Variants in TPD52 observed in about 807,000 individuals in gnomAD.
The protein encoded by TPD52 is tumor protein D52, also known as prostate and colon associated protein.
A neutral mutation model predicts 31.3 loss-of-function variants in TPD52; 17 were observed. The ratio of observed to expected loss-of-function variants is 0.54; its 90% CI spans 0.37 to 0.82. The LOEUF (loss-of-function observed/expected upper bound fraction) is 0.82, where lower values mean the gene tolerates loss of function less well. Among genes scored for constraint, TPD52 ranks in the 40% least tolerant of loss-of-function variants. The pLI is 0.00. For missense variants in TPD52, 212 were observed against 240.1 expected, an observed-to-expected ratio of 0.88 and a Z score of 0.77; for synonymous variants, 83 against 89.6, an observed-to-expected ratio of 0.93 and a Z score of 0.42.
At chr8:80,085,052 C>G (rs1259177467) in intron 1 of TPD52, among the ~76,000 whole-genome samples, 1 of 152,196 alleles carries the variant, frequency 6.6e-6, no homozygotes, top group African/African-American at 2.4e-5. Context: ...ATACAGTTAG[C>G]AAACAAATCA....
chr8:80,126,391 T>C (rs1489898899), intron 1 of TPD52, among the ~76,000 whole-genome samples: 1 of 151,750 alleles, frequency 6.6e-6, no homozygotes, highest in Non-Finnish European at 1.5e-5. Context: ...ACATTCTCTG[T>C]TCATCCCAAA....
chr8:80,157,629 G>A (rs1002915895), intron 1 of TPD52, among the ~76,000 whole-genome samples: 27 of 152,192 alleles, frequency 1.8e-4, no homozygotes, highest in Admixed American at 3.3e-4. Context: ...GGCACTCCAC[G>A]ATGAAAACAA....
chr8:80,160,217 C>A (rs1270884008), intron 1 of TPD52, among the ~76,000 whole-genome samples: 1 of 151,770 alleles, frequency 6.6e-6, no homozygotes, highest in Non-Finnish European at 1.5e-5. Flanking sequence ...TTAAATTTTT[C>A]TTGGACTCCA....
intron 1 of TPD52, among the ~76,000 whole-genome samples, chr8:80,072,317 A>ATATGTGTGCGTG (rs1554582865): frequency 4.1e-5 from 5 of 121,352 alleles, no homozygotes; most frequent in African/African-American, 1.8e-4. Flanking sequence ...AAAAACATAT[A>ATATGTGTGCGTG]TGTGTGTGTG....
Position 80,122,035 on chromosome 8 carries a change from C to T in TPD52, c.19+49390G>A, listed in dbSNP as rs201494780. ...TACACCTTCAAAAGAAAAAAAAAAA[C>T]TCCTGTGCAATGATGTTTTATCATT... is the stretch of plus-strand genomic sequence containing the variant. On this transcript the variant is annotated intron_variant, in intron 1 of 7. Coordinates refer to ENST00000518937, the MANE Select transcript of TPD52 (RefSeq NM_001025253.3). Among the ~76,000 whole-genome samples the T allele has an allele frequency of 6.9e-5, 9 of 130,158 alleles. No homozygotes were observed. In the East Asian group the frequency reaches 2.1e-3, roughly 31 times the overall value. The allele number at this position is 130,158 out of a possible 152,430, so 85.4% of individuals were successfully genotyped here.
chr8:80,096,291 A>AAACACAC (rs1816732682), intron 1 of TPD52, among the ~76,000 whole-genome samples: 1 of 146,814 alleles, frequency 6.8e-6, no homozygotes, highest in Admixed American at 6.7e-5. Flanking sequence ...CACACACACA[A>AAACACAC]ACACACACAC....
At chr8:80,158,577 AGCAGGCTCAAAGCCTAGATC>A (rs1399396605) in intron 1 of TPD52, 1 of 152,132 alleles carries the variant, frequency 6.6e-6, no homozygotes, top group Non-Finnish European at 1.5e-5. Flanking sequence ...TGAGCCTGAG[AGCAGGCTCAAAGCCTAGATC>A]GCATCACTGC....
At chr8:80,117,501 T>C (rs978667139) in intron 1 of TPD52, among the ~76,000 whole-genome samples, 3 of 152,108 alleles carry the variant, frequency 2.0e-5, no homozygotes, top group Admixed American at 6.5e-5. Context: ...TCTAAAAAAA[T>C]GGGAAGACAT....
At chr8:80,147,836 A>ATG (rs1810304453) in intron 1 of TPD52, among the ~76,000 whole-genome samples, 1 of 151,542 alleles carries the variant, frequency 6.6e-6, no homozygotes, top group African/African-American at 2.4e-5. Context: ...ACACACACAC[A>ATG]CGCACACACA....
At chr8:80,121,433 A>T (rs1243010217) in intron 1 of TPD52, among the ~76,000 whole-genome samples, 1 of 152,216 alleles carries the variant, frequency 6.6e-6, no homozygotes, top group Non-Finnish European at 1.5e-5. Context: ...ATTTTCACTG[A>T]ATGTTTTTAT....
intron 2 of TPD52, among the ~76,000 whole-genome samples, chr8:80,059,556 A>C (rs919469026): frequency 6.6e-6 from 1 of 152,134 alleles, no homozygotes; most frequent in Non-Finnish European, 1.5e-5. Flanking sequence ...TTAAGGGTTA[A>C]AAAAAAGAAA....
At chr8:80,171,189 CCA>C (rs1812061672) in intron 1 of TPD52, 1 of 701,388 alleles carries the variant, frequency 1.4e-6, no homozygotes, top group South Asian at 1.5e-5. Context: ...TCCCTCTCCC[CCA>C]CACACGCACA....
At chr8:80,088,841 A>T (rs947146289) in intron 1 of TPD52, among the ~76,000 whole-genome samples, 3 of 152,198 alleles carry the variant, frequency 2.0e-5, no homozygotes, top group African/African-American at 7.2e-5. Context: ...CACAGAAAAA[A>T]GGCCAGGGAG....
intron 1 of TPD52, among the ~76,000 whole-genome samples, chr8:80,089,130 T>C (rs1816055766): frequency 6.6e-6 from 1 of 152,234 alleles, no homozygotes; most frequent in South Asian, 2.1e-4. Context: ...TTCTATGGTA[T>C]TGTTATTGCG....
chr8:80,082,630 A>G (rs1298801143), intron 1 of TPD52, among the ~76,000 whole-genome samples: 1 of 152,206 alleles, frequency 6.6e-6, no homozygotes, highest in African/African-American at 2.4e-5. Flanking sequence ...TCATCCTTCA[A>G]CACTGAGGCA....
At chr8:80,152,491 T>G (rs1324862641) in intron 1 of TPD52, among the ~76,000 whole-genome samples, 2 of 152,072 alleles carry the variant, frequency 1.3e-5, no homozygotes, top group Non-Finnish European at 2.9e-5. Context: ...ACATGAAAGA[T>G]GTCAGGCAGC....
At chr8:80,107,554 CTGTCTT>C (rs745683934) in intron 1 of TPD52, among the ~76,000 whole-genome samples, 43 of 152,142 alleles carry the variant, frequency 2.8e-4, no homozygotes, top group Non-Finnish European at 5.9e-4. Flanking sequence ...CTCCTTCTGT[CTGTCTT>C]TGTATGAATG....
chr8:80,071,188 G>A (rs1017056913), intron 1 of TPD52, among the ~76,000 whole-genome samples: 4 of 152,110 alleles, frequency 2.6e-5, no homozygotes, highest in African/African-American at 4.8e-5. Context: ...CTCCAGAACC[G>A]GGTGATAAGC....
rs762852112 is a variant in TPD52 at position 80,038,146 on chromosome 8, A to G, written c.594T>C (p.Pro198=). 1.2e-6 allele frequency: 2 copies of G among 1,614,044 alleles called. No homozygotes were observed. Among genetic ancestry groups the G allele is most frequent in the Non-Finnish European group, 1.7e-6 (2 of 1,180,008 alleles). The change falls in exon 8 of 8, where the codon CCT becomes CCC. Residue 198 remains proline (P), a synonymous_variant. Transcript: ENST00000518937. The part of the protein sequence containing the change: ...AANASATTTE[P]LPEKTQESL ...GGCTCTCCTGTGTCTTTTCTGGAAGAGGCTCCGTGGTGGTGGCACTAGCAT... is the reference window on the plus strand; with the variant it reads ...GGCTCTCCTGTGTCTTTTCTGGAAGGGGCTCCGTGGTGGTGGCACTAGCAT...
Sources: gnomAD v4.1 joint callset for allele counts (sites outside exome capture counted in the v4.1 genomes callset) on GRCh38, gnomAD v4.1.1 for gene constraint, MANE v1.5 for transcripts, NCBI Gene and HGNC (gene_info 2026-07-23, HGNC 2026-07-21) for gene names.